The following ANKEF1 variants were observed in gnomAD, a reference collection of about 807,000 sequenced individuals.
The protein encoded by ANKEF1 is ankyrin repeat and EF-hand domain-containing protein 1.
A neutral mutation model predicts 65.1 loss-of-function variants in ANKEF1; 43 were observed. The ratio of observed to expected loss-of-function variants is 0.66; its 90% confidence interval spans 0.52 to 0.85. ANKEF1 has a LOEUF of 0.85. ANKEF1 is among the 40% of genes least tolerant of loss of function. The pLI is 0.00. For synonymous variants in ANKEF1, 316 were observed against 341.5 expected, an observed-to-expected ratio of 0.93 and a Z score of 0.82; for missense variants, 934 against 952.9, an observed-to-expected ratio of 0.98 and a Z score of 0.26.
intron 2 of ANKEF1, among the ~76,000 whole-genome samples, chr20:10,036,915 G>T (rs1983891371): frequency 6.6e-6 from 1 of 152,106 alleles, no homozygotes; most frequent in South Asian, 2.1e-4. Context: ...TGAGGACCTA[G>T]CCCTGGGCAC....
chr20:10,038,270 T>A lies in ANKEF1; in HGVS notation c.-32T>A, dbSNP rs1385155279. The A allele has an allele frequency of 1.4e-6, 2 of 1,382,102 alleles. No homozygotes were observed. Among genetic ancestry groups the A allele is most frequent in the Non-Finnish European group, 1.9e-6 (2 of 1,048,590 alleles). 85.6% of individuals were successfully genotyped at this position (1,382,102 alleles called of 1,614,324 possible). Reference sequence around the variant, plus strand: ...TTTGTTGCTTCAGCTTTAGTTTTGGTCCAGAAAGCATTTTCAAGGAGCTGG... The same window carrying A: ...TTTGTTGCTTCAGCTTTAGTTTTGGACCAGAAAGCATTTTCAAGGAGCTGG... On this transcript the variant is annotated 5_prime_UTR_variant, in exon 3 of 11. Coordinates refer to ENST00000378392, the MANE Select transcript of ANKEF1 (RefSeq NM_022096.6).
intron 2 of ANKEF1, among the ~76,000 whole-genome samples, chr20:10,036,440 A>T (rs1490871002): frequency 2.0e-5 from 3 of 152,002 alleles, no homozygotes; most frequent in Non-Finnish European, 4.4e-5. Context: ...ACAAGCCATA[A>T]ATAGCAGCTA....
chr20:10,047,216 A>G (rs1984567184), intron 6 of ANKEF1, among the ~76,000 whole-genome samples: 2 of 152,252 alleles, frequency 1.3e-5, no homozygotes, highest in African/African-American at 4.8e-5. Context: ...AGCCTGGGTC[A>G]TGCAAAAAGG....
In ANKEF1 at chr20:10,038,667, C is replaced by G. The variant is rs929313119; in HGVS notation, c.346+20C>G. ...GAAAAGGTAAAAATCCCGACATCCT[C>G]TCCAGCAGATTGCAATTCATTTTGT... On this transcript the variant is annotated intron_variant, in intron 3 of 10. Coordinates refer to ENST00000378392, the MANE Select transcript of ANKEF1 (RefSeq NM_022096.6). 12 of 1,533,198 alleles carry G rather than the reference C, an allele frequency of 7.8e-6. No homozygotes were observed. Among genetic ancestry groups the G allele is most frequent in the Non-Finnish European group, 9.8e-6 (11 of 1,127,084 alleles). 95.0% of individuals were successfully genotyped at this position (1,533,198 alleles called of 1,614,324 possible).
intron 3 of ANKEF1, among the ~76,000 whole-genome samples, chr20:10,039,880 T>G (rs1482067441): frequency 6.6e-6 from 1 of 152,068 alleles, no homozygotes; most frequent in Admixed American, 6.5e-5. Context: ...ATGCCTGGAG[T>G]TTTGTGGACT....
At chr20:10,042,481 A>G (rs1984247616) in intron 3 of ANKEF1, among the ~76,000 whole-genome samples, 1 of 152,214 alleles carries the variant, frequency 6.6e-6, no homozygotes, top group African/African-American at 2.4e-5. Context: ...TGGGTTTATA[A>G]CAGTAACCCT....
chr20:10,043,097 C>A (rs1423829713), intron 3 of ANKEF1, 25 bp from the exon 4 acceptor site: 2 of 1,606,372 alleles, frequency 1.2e-6, no homozygotes, highest in East Asian at 2.2e-5. Context: ...GTTAAATACT[C>A]TCTGGGGATT....
At chr20:10,037,683 A>T (rs557711264) in intron 2 of ANKEF1, among the ~76,000 whole-genome samples, 4 of 152,286 alleles carry the variant, frequency 2.6e-5, no homozygotes, top group African/African-American at 9.6e-5. Flanking sequence ...AAAATTACAT[A>T]CTAGAATGCC....
intron 8 of ANKEF1, among the ~76,000 whole-genome samples, chr20:10,052,774 A>G (rs1984939261): frequency 6.6e-6 from 1 of 152,210 alleles, no homozygotes; most frequent in African/African-American, 2.4e-5. Context: ...TCTATCACAT[A>G]GAAGGAAATT....
rs6077636 is a variant in ANKEF1, at chr20:10,045,460, A to G, written c.697-114A>G. On this transcript the variant is annotated intron_variant, in intron 5 of 10. Transcript: ENST00000378392. Reference sequence around the variant, plus strand: ...TAGTTCATTTCAATTTGAATTTTCAATAGTCATACGTGGCTAATTGATATT... The same window carrying G: ...TAGTTCATTTCAATTTGAATTTTCAGTAGTCATACGTGGCTAATTGATATT... 0.16 allele frequency: 166,752 copies of G among 1,014,506 alleles called. 15,158 individuals carry two copies. Among genetic ancestry groups the G allele is most frequent in the Admixed American group, 0.26 (9,896 of 38,032 alleles). The allele number at this position is 1,014,506 out of a possible 1,614,324, so 62.8% of individuals were successfully genotyped here.
intron 6 of ANKEF1, among the ~76,000 whole-genome samples, chr20:10,048,934 C>A (rs1217805599): frequency 6.6e-6 from 1 of 152,124 alleles, no homozygotes; most frequent in Non-Finnish European, 1.5e-5. Context: ...AAATTATACA[C>A]AGATTTACAG....
chr20:10,049,503 A>G lies in ANKEF1; in HGVS notation c.934A>G (p.Lys312Glu). The G allele has an allele frequency of 1.2e-6, 2 of 1,614,152 alleles. No individual in the cohort carries two copies. The highest frequency in any genetic ancestry group is 1.7e-6 in the Non-Finnish European group (2 of 1,180,016). ...EIRRAERIAN[K>E]LARPGAKNPN... The stretch of plus-strand genomic sequence containing the variant: ...ACGCCGAGCAGAGAGAATCGCTAAT[A>G]AACTAGCCAGGCCAGGAGCCAAAAA... Residue 312 changes from lysine (K) to glutamate (E), a missense_variant, in exon 7 of 11, where the codon AAA (lysine) becomes GAA (glutamate). Lys to Glu is a moderately conservative substitution (Grantham distance 56, BLOSUM62 1). Transcript: ENST00000378392.
intron 3 of ANKEF1, 37 bp from the exon 4 acceptor site, chr20:10,043,085 A>C (rs781618151): frequency 1.9e-6 from 3 of 1,587,654 alleles, no homozygotes; most frequent in Non-Finnish European, 2.6e-6. Context: ...ATATGTATAG[A>C]TGTTAAATAC....
chr20:10,054,177 A>G (rs1006146186), intron 9 of ANKEF1, among the ~76,000 whole-genome samples: 26 of 152,152 alleles, frequency 1.7e-4, no homozygotes. Flanking sequence ...GGATCAGTCA[A>G]CTAAAGTTCT....
intron 3 of ANKEF1, chr20:10,040,754 C>A (rs1271854755): frequency 6.6e-6 from 1 of 152,196 alleles, no homozygotes; most frequent in Non-Finnish European, 1.5e-5. Flanking sequence ...AGCCCAGATA[C>A]ACTTTAACTG....
Position 10,045,585 on chromosome 20 carries a change from T to G in ANKEF1, c.708T>G (p.Leu236=), listed in dbSNP as rs759657160. The change falls in exon 6 of 11, where the codon CTT becomes CTG. Residue 236 remains leucine (L), a synonymous_variant. Coordinates refer to ENST00000378392, the MANE Select transcript of ANKEF1 (RefSeq NM_022096.6). ...TATTTATTTTACAGATATTGAAGCT[T>G]CTTTTTGCCTACAATGGAGACGTGG... is the stretch of plus-strand genomic sequence containing the variant. ...AKGGFFDILK[L]LFAYNGDVGL... is the part of the protein sequence containing the mutation. The G allele has an allele frequency of 1.7e-5, 28 of 1,613,482 alleles. No homozygotes were observed. The highest frequency in any genetic ancestry group is 2.2e-5 in the Non-Finnish European group (26 of 1,179,612).
Position 10,038,413 on chromosome 20 carries a change from GAACTAATC to G in ANKEF1, c.115_122del (p.Ile40TyrfsTer5), listed in dbSNP as rs748231135. 4 of 1,614,076 alleles carry G rather than the reference GAACTAATC, an allele frequency of 2.5e-6. No individual in the cohort carries two copies. The South Asian group carries it at 4.4e-5, about 18-fold the overall frequency. ...GAAGCTGACCAAGCTTGGATACCCT[GAACTAATC>G]AATTATACAGAACCCATTAATGGAC... On this transcript the variant is annotated frameshift_variant, in exon 3 of 11. Transcript: ENST00000378392. LOFTEE classifies it high-confidence loss of function.
rs1013474358 is a variant in ANKEF1 at position 10,057,317 on chromosome 20, T to C, written c.*1657T>C. 4.6e-5 allele frequency: 7 copies of C among 152,230 alleles called. No individual in the cohort carries two copies. The highest frequency in any genetic ancestry group is 1.7e-4 in the African/African-American group (7 of 41,462). 9.4% of individuals were successfully genotyped at this position (152,230 alleles called of 1,614,324 possible). A position where few individuals can be genotyped will look rare whatever the true frequency, so the allele number is the denominator to read the frequency against. ...CCTGAACAGGGGTTGCTTACAAGCA[T>C]TGCATTTGGATCCCAAGATTTGCTA... On this transcript the variant is annotated 3_prime_UTR_variant, in exon 11 of 11. Coordinates refer to ENST00000378392, the MANE Select transcript of ANKEF1 (RefSeq NM_022096.6).
Position 10,054,495 on chromosome 20 carries a change from A to T in ANKEF1, c.2068A>T (p.Thr690Ser). ...GTCATCAATTTATGGTGTACCAACC[A>T]CATCAGAGGGAAAGAAAGTACAGAA... ...LLSSIYGVPT[T>S]SEGKKVQKGN... is the part of the protein sequence containing the mutation. Residue 690 changes from threonine (T) to serine (S), a missense_variant, in exon 10 of 11, where the codon ACA becomes TCA. Physicochemically the swap from Thr to Ser is moderately conservative, Grantham distance 58 (BLOSUM62 1). Coordinates refer to ENST00000378392, the MANE Select transcript of ANKEF1 (RefSeq NM_022096.6). 6.2e-7 allele frequency: 1 copy of T among 1,601,940 alleles called. No homozygotes were observed.
Sources: allele counts gnomAD v4.1 joint callset (sites outside exome capture counted in the v4.1 genomes callset), GRCh38; gene constraint gnomAD v4.1.1; transcripts MANE v1.5; gene names NCBI Gene and HGNC (gene_info 2026-07-23, HGNC 2026-07-21).